TMEM132B: variants seen among roughly 807,000 people sequenced by gnomAD.
The protein encoded by TMEM132B is transmembrane protein 132B.
In TMEM132B, 18 loss-of-function variants were observed where a neutral mutation model predicts 90.8. The ratio of observed to expected loss-of-function variants is 0.20; its 90% confidence interval spans 0.14 to 0.29. The LOEUF is 0.29. Ranked by LOEUF, TMEM132B falls within the 10% of genes least tolerant of loss-of-function variation. The probability of loss-of-function intolerance (pLI) is 1.00; values close to 1 mark genes in which losing one functional copy is unlikely to be tolerated. For missense variants in TMEM132B, 1,096 were observed against 1,326.8 expected, an observed-to-expected ratio of 0.83 and a Z score of 2.70; for synonymous variants, 504 against 523.3, an observed-to-expected ratio of 0.96 and a Z score of 0.50.
At chr12:125,500,725 T>G (rs1882674334) in intron 3 of TMEM132B, among the ~76,000 whole-genome samples, 1 of 152,164 alleles carries the variant, frequency 6.6e-6, no homozygotes, top group Non-Finnish European at 1.5e-5. Context: ...CTTGAGGGGC[T>G]GTGAGGTTAC....
At chr12:125,522,410 G>A (rs147927203) in intron 4 of TMEM132B, among the ~76,000 whole-genome samples, 2 of 152,326 alleles carry the variant, frequency 1.3e-5, no homozygotes, top group East Asian at 3.9e-4. Context: ...ACTCTAAAGA[G>A]TATAGGAATG....
intron 3 of TMEM132B, among the ~76,000 whole-genome samples, chr12:125,416,672 C>T (rs1186066180): frequency 6.6e-6 from 1 of 152,226 alleles, no homozygotes; most frequent in Non-Finnish European, 1.5e-5. Flanking sequence ...TCTCTTCTGC[C>T]TGCTTTTGAA....
intron 5 of TMEM132B, among the ~76,000 whole-genome samples, chr12:125,620,568 C>T (rs1252583401): frequency 1.3e-5 from 2 of 152,186 alleles, no homozygotes; most frequent in African/African-American, 4.8e-5. Context: ...GAAGACATGA[C>T]AAAAGCTGTA....
intron 3 of TMEM132B, among the ~76,000 whole-genome samples, chr12:125,418,875 A>G (rs1468051585): frequency 6.6e-6 from 1 of 152,202 alleles, no homozygotes; most frequent in Non-Finnish European, 1.5e-5. Context: ...CCAAAAGAGG[A>G]GAAGGAGATT....
At chr12:125,592,901 C>T (rs923393858) in intron 5 of TMEM132B, among the ~76,000 whole-genome samples, 1 of 152,254 alleles carries the variant, frequency 6.6e-6, no homozygotes, top group South Asian at 2.1e-4. Flanking sequence ...TGCATTGGTG[C>T]GTATTGGTTT....
At chr12:125,371,951 A>C (rs1185642655) in intron 2 of TMEM132B, among the ~76,000 whole-genome samples, 2 of 152,218 alleles carry the variant, frequency 1.3e-5, no homozygotes, top group Admixed American at 6.5e-5. Flanking sequence ...GTTTAAATTG[A>C]CTGTCACTCA....
chr12:125,532,205 T>C (rs1236894522), intron 4 of TMEM132B, among the ~76,000 whole-genome samples: 1 of 152,124 alleles, frequency 6.6e-6, no homozygotes, highest in Non-Finnish European at 1.5e-5. Context: ...AAGGGAAAAA[T>C]AGACCCAGCT....
rs145862621 is a variant in TMEM132B, at chr12:125,236,436, T to C, written c.67+49570T>C. Among the ~76,000 whole-genome samples the C allele has an allele frequency of 1.8e-4, 27 of 152,302 alleles. 1 individual carries two copies. In the East Asian group the frequency reaches 4.8e-3, roughly 27 times the overall value. ...CCTCCCAAATTCTTGGGATTACAGG[T>C]GTGAGCCACCGCTCCCGGTCAATTC... On this transcript the variant is annotated intron_variant, in intron 1 of 8. Coordinates refer to ENST00000682704, the MANE Select transcript of TMEM132B (RefSeq NM_001366854.1).
chr12:125,516,836 G>A (rs547783693), intron 3 of TMEM132B, among the ~76,000 whole-genome samples: 11 of 152,312 alleles, frequency 7.2e-5, no homozygotes, highest in African/African-American at 2.2e-4. Flanking sequence ...AGCACAGTGC[G>A]GCCCAAAGAG....
chr12:125,575,914 G>A (rs1211790873), intron 4 of TMEM132B, among the ~76,000 whole-genome samples: 2 of 152,086 alleles, frequency 1.3e-5, no homozygotes, highest in African/African-American at 2.4e-5. Context: ...TAATCAGGAA[G>A]TGTGAGCCTT....
intron 1 of TMEM132B, among the ~76,000 whole-genome samples, chr12:125,240,985 A>C (rs1874051364): frequency 6.6e-6 from 1 of 152,180 alleles, no homozygotes; most frequent in Non-Finnish European, 1.5e-5. Flanking sequence ...AAGTGAGTGA[A>C]CGGTGGTGGG....
chr12:125,415,647 G>T lies in TMEM132B; in HGVS notation c.1076G>T (p.Cys359Phe), dbSNP rs1879988943. Reference sequence around the variant, plus strand: ...ACTCAGACGTCGGCCACCCTCACCTGCATGGGCCATCGCCCGGACACGCAG... The same window carrying T: ...ACTCAGACGTCGGCCACCCTCACCTTCATGGGCCATCGCCCGGACACGCAG... ...GSTQTSATLTCMGHRPDTQSR... is the reference protein window; with the variant it reads ...GSTQTSATLTFMGHRPDTQSR... Residue 359 changes from cysteine (C) to phenylalanine (F), a missense_variant, in exon 3 of 9, where the codon TGC becomes TTC. Physicochemically the swap from Cys to Phe is radical, Grantham distance 205. Coordinates refer to ENST00000682704, the MANE Select transcript of TMEM132B (RefSeq NM_001366854.1). This position sits in a 1 kb window ranked among gnomAD's most constrained non-coding sequence, Gnocchi z 5.3. The T allele has an allele frequency of 1.2e-6, 2 of 1,614,190 alleles. No individual in the cohort carries two copies. Among genetic ancestry groups the T allele is most frequent in the Non-Finnish European group, 8.5e-7 (1 of 1,180,032 alleles).
intron 3 of TMEM132B, among the ~76,000 whole-genome samples, chr12:125,516,087 TCACA>T (rs1566060273): frequency 6.6e-6 from 1 of 151,084 alleles, no homozygotes; most frequent in Non-Finnish European, 1.5e-5. Flanking sequence ...TCACGCTATC[TCACA>T]CACACTAACA....
intron 5 of TMEM132B, among the ~76,000 whole-genome samples, chr12:125,599,501 G>C (rs908588095): frequency 8.5e-5 from 13 of 152,160 alleles, no homozygotes; most frequent in Admixed American, 5.9e-4. Flanking sequence ...TACGCTCTCT[G>C]TGTGGCCTAT....
At chr12:125,293,334 G>T (rs1785642219) in intron 1 of TMEM132B, among the ~76,000 whole-genome samples, 1 of 152,192 alleles carries the variant, frequency 6.6e-6, no homozygotes, top group Non-Finnish European at 1.5e-5. Flanking sequence ...GGGGGTACTT[G>T]TGCAGGTTTG....
intron 1 of TMEM132B, among the ~76,000 whole-genome samples, chr12:125,188,461 T>A (rs1207173142): frequency 1.3e-5 from 2 of 152,198 alleles, no homozygotes; most frequent in Non-Finnish European, 2.9e-5. Flanking sequence ...GATGTGCTTA[T>A]AAGTGAATAT....
chr12:125,530,436 G>A (rs1219817876), intron 4 of TMEM132B, among the ~76,000 whole-genome samples: 2 of 152,252 alleles, frequency 1.3e-5, no homozygotes, highest in East Asian at 1.9e-4. Flanking sequence ...CTGCTGCAGC[G>A]CTATGTTAGG....
intron 4 of TMEM132B, among the ~76,000 whole-genome samples, chr12:125,528,786 G>A (rs1883563410): frequency 6.6e-6 from 1 of 152,106 alleles, no homozygotes. Flanking sequence ...ATCAACACAT[G>A]TTTTGCATGT....
chr12:125,212,561 G>C (rs1365916788), intron 1 of TMEM132B, among the ~76,000 whole-genome samples: 3 of 152,066 alleles, frequency 2.0e-5, no homozygotes, highest in Non-Finnish European at 4.4e-5. Context: ...AGGTGTGGTG[G>C]TGGGCACCCA....
Sources: gnomAD v4.1 joint callset for allele counts (sites outside exome capture counted in the v4.1 genomes callset) on GRCh38, gnomAD v4.1.1 for gene constraint, Gnocchi (gnomAD v3.1) non-coding constraint, MANE v1.5 for transcripts, NCBI Gene and HGNC (gene_info 2026-07-23, HGNC 2026-07-21) for gene names.